Variants in NCKAP5 observed in about 807,000 individuals in gnomAD.
The protein encoded by NCKAP5 is nck-associated protein 5.
Under a neutral mutation model 167.0 loss-of-function variants are expected in NCKAP5, and 92 were observed. The observed-to-expected ratio is 0.55, with a 90% CI of 0.47 to 0.66. The LOEUF (loss-of-function observed/expected upper bound fraction) is 0.66, where lower values mean the gene tolerates loss of function less well. NCKAP5 is among the 30% of genes least tolerant of loss of function. The pLI, the probability that NCKAP5 is intolerant of heterozygous loss-of-function variation, is 0.00. For missense variants in NCKAP5, 2,378 were observed against 2,315.0 expected (o/e 1.03, Z -0.56); for synonymous variants, 891 against 877.4 (o/e 1.02, Z -0.27).
intron 8 of NCKAP5, among the ~76,000 whole-genome samples, chr2:132,910,318 T>G (rs1449411637): frequency 6.6e-6 from 1 of 152,178 alleles, no homozygotes. Context: ...TTGACTATAG[T>G]CAATAATATT....
intron 6 of NCKAP5, among the ~76,000 whole-genome samples, chr2:133,128,562 C>G (rs2082477921): frequency 1.3e-5 from 2 of 151,398 alleles, no homozygotes; most frequent in African/African-American, 4.9e-5. Context: ...CTTTCAAATT[C>G]TTTGAAAGAG....
chr2:133,502,309 G>A (rs977834239), intron 3 of NCKAP5, among the ~76,000 whole-genome samples: 6 of 152,146 alleles, frequency 3.9e-5, no homozygotes, highest in South Asian at 2.1e-4. Context: ...CCATGCAGAC[G>A]TTATGGGCCA....
intron 6 of NCKAP5, among the ~76,000 whole-genome samples, chr2:133,023,942 A>G (rs2078613561): frequency 6.6e-6 from 1 of 152,202 alleles, no homozygotes; most frequent in African/African-American, 2.4e-5. Context: ...CTTATTCCCT[A>G]TCAGTCCTTA....
chr2:133,526,451 G>GTA (rs1684935110), intron 2 of NCKAP5, among the ~76,000 whole-genome samples: 1 of 152,170 alleles, frequency 6.6e-6, no homozygotes, highest in East Asian at 1.9e-4. Flanking sequence ...AAATGAACGA[G>GTA]CACATGATTT....
chr2:132,794,263 TAGAGAGAGAGAGAGAGAG>T (rs70973407), intron 12 of NCKAP5, among the ~76,000 whole-genome samples: 20 of 11,914 alleles, frequency 1.7e-3, no homozygotes, highest in African/African-American at 4.3e-3. Flanking sequence ...TATATATATA[TAGAGAGAGAGAGAGAGAG>T]AGAGAGAGAG....
intron 4 of NCKAP5, among the ~76,000 whole-genome samples, chr2:133,270,552 C>A (rs1029180108): frequency 2.6e-5 from 4 of 152,156 alleles, no homozygotes; most frequent in Non-Finnish European, 4.4e-5. Flanking sequence ...ACGCTGACTT[C>A]CTAAAGCTAA....
chr2:133,449,460 T>C (rs1018650408), intron 3 of NCKAP5, among the ~76,000 whole-genome samples: 6 of 152,198 alleles, frequency 3.9e-5, no homozygotes, highest in Admixed American at 6.5e-5. Context: ...TGGCATATTA[T>C]AGACAACAGG....
intron 8 of NCKAP5, among the ~76,000 whole-genome samples, chr2:132,913,959 C>T (rs1418534647): frequency 2.0e-5 from 3 of 151,950 alleles, no homozygotes; most frequent in African/African-American, 7.2e-5. Flanking sequence ...TTCGTTTAGC[C>T]CAATGGGCTC....
chr2:132,943,694 G>A (rs569741843), intron 8 of NCKAP5, among the ~76,000 whole-genome samples: 1 of 152,198 alleles, frequency 6.6e-6, no homozygotes, highest in Non-Finnish European at 1.5e-5. Flanking sequence ...GGACAGCACA[G>A]ATGTTGCCAA....
At chr2:133,272,457 A>T (rs933925962) in intron 4 of NCKAP5, among the ~76,000 whole-genome samples, 1 of 152,220 alleles carries the variant, frequency 6.6e-6, no homozygotes, top group African/African-American at 2.4e-5. Flanking sequence ...ACTTATTGAC[A>T]TAAAGTGATC....
At chr2:133,181,285 A>AGG (rs1418657905) in intron 5 of NCKAP5, among the ~76,000 whole-genome samples, 2 of 152,088 alleles carry the variant, frequency 1.3e-5, no homozygotes, top group Non-Finnish European at 2.9e-5. Flanking sequence ...ATGTATATAT[A>AGG]ATGTAATACT....
intron 11 of NCKAP5, among the ~76,000 whole-genome samples, chr2:132,852,612 G>A (rs951345040): frequency 6.6e-5 from 10 of 152,274 alleles, no homozygotes; most frequent in African/African-American, 2.2e-4. Flanking sequence ...AAACAAGGCC[G>A]AATCAGGGTA....
Position 133,047,195 on chromosome 2 carries a change from GT to G in NCKAP5, c.342-52957del, listed in dbSNP as rs112764669. Among the ~76,000 whole-genome samples, 1,462 of 152,022 alleles carry G rather than the reference GT, an allele frequency of 9.6e-3. 14 individuals carry two copies. The highest frequency in any genetic ancestry group is 0.033 in the African/African-American group (1,351 of 41,468). ...GCCTGCTATGTGAACACAAAGCTTT[GT>G]TTTTTTTCCAGTCCCAAGTCCCTTA... On this transcript the variant is annotated intron_variant, in intron 6 of 19. Transcript: ENST00000409261.
chr2:133,621,314 A>T, the NCKAP5 span, among the ~76,000 whole-genome samples: 2 of 152,174 alleles, frequency 1.3e-5, no homozygotes, highest in Non-Finnish European at 2.9e-5. Context: ...AAAAAAATAC[A>T]AAAGATAAAT....
intron 18 of NCKAP5, 27 bp downstream of exon 18, chr2:132,728,789 C>T (rs770962318): frequency 1.2e-6 from 2 of 1,611,766 alleles, no homozygotes; most frequent in Non-Finnish European, 1.7e-6. Flanking sequence ...AGGTGGATTG[C>T]ACCCTTCACC....
chr2:133,110,171 G>A (rs1004260208), intron 6 of NCKAP5, among the ~76,000 whole-genome samples: 4 of 152,222 alleles, frequency 2.6e-5, no homozygotes, highest in Middle Eastern at 3.4e-3. Flanking sequence ...CCTTTTGCGG[G>A]TTCCTGCAAA....
At chr2:132,695,543 C>A (rs73957615) in intron 19 of NCKAP5, among the ~76,000 whole-genome samples, 1,683 of 152,214 alleles carry the variant, frequency 0.011, 35 homozygotes, top group African/African-American at 0.038. Context: ...TAAATGATAG[C>A]TCCTGAGAAA....
intron 19 of NCKAP5, among the ~76,000 whole-genome samples, chr2:132,690,559 G>T (rs950000470): frequency 1.3e-5 from 2 of 152,066 alleles, no homozygotes; most frequent in Admixed American, 1.3e-4. Context: ...AATTAGCCTC[G>T]GATAAAGTTG....
At chr2:132,876,732 T>C (rs932445706) in intron 9 of NCKAP5, among the ~76,000 whole-genome samples, 2 of 152,226 alleles carry the variant, frequency 1.3e-5, no homozygotes, top group Non-Finnish European at 2.9e-5. Context: ...AGTTAATTTT[T>C]GCAACTAAGA....
Sources: gnomAD v4.1 joint callset for allele counts (sites outside exome capture counted in the v4.1 genomes callset) on GRCh38, gnomAD v4.1.1 for gene constraint, MANE v1.5 for transcripts, NCBI Gene and HGNC (gene_info 2026-07-23, HGNC 2026-07-21) for gene names.